TOX3: variants seen among roughly 807,000 people sequenced by gnomAD.
TOX3 encodes TOX high mobility group box family member 3, also known as CAG trinucleotide repeat-containing gene F9 protein.
In TOX3, 22 loss-of-function variants were observed where a neutral mutation model predicts 64.3. That is an observed-to-expected ratio of 0.34 (90% confidence interval 0.24 to 0.49). The LOEUF (loss-of-function observed/expected upper bound fraction) is 0.49. Among genes scored for constraint, TOX3 ranks in the 20% least tolerant of loss-of-function variants. The pLI is 0.99. For synonymous variants in TOX3, 291 were observed against 273.6 expected (o/e 1.06, Z -0.63); for missense variants, 661 against 714.4 (o/e 0.93, Z 0.85).
intron 1 of TOX3, among the ~76,000 whole-genome samples, chr16:52,485,267 T>TATATATAC (rs1163640369): frequency 1.2e-3 from 160 of 137,862 alleles, no homozygotes; most frequent in African/African-American, 3.8e-3. Context: ...TATATATATA[T>TATATATAC]ATATACATAT....
At chr16:52,505,959 G>C (rs1361578898) in intron 1 of TOX3, among the ~76,000 whole-genome samples, 1 of 152,126 alleles carries the variant, frequency 6.6e-6, no homozygotes, top group Admixed American at 6.5e-5. Context: ...CTGGGTGACA[G>C]AGCAAGACCC....
intron 1 of TOX3, among the ~76,000 whole-genome samples, chr16:52,501,047 T>C (rs1220937156): frequency 6.6e-6 from 1 of 152,210 alleles, no homozygotes; most frequent in Admixed American, 6.5e-5. Flanking sequence ...ACATATAACT[T>C]GCCATGTGCC....
intron 1 of TOX3, among the ~76,000 whole-genome samples, chr16:52,517,200 G>A (rs377705605): frequency 7.9e-5 from 12 of 152,084 alleles, no homozygotes; most frequent in Non-Finnish European, 1.2e-4. Flanking sequence ...AAGAATTGGG[G>A]GAATTTCAGA....
intron 1 of TOX3, chr16:52,519,348 A>G: frequency 6.8e-7 from 1 of 1,478,616 alleles, no homozygotes; most frequent in Non-Finnish European, 9.1e-7. Flanking sequence ...GATAAAAGAC[A>G]CTATCTGGTT....
intron 1 of TOX3, among the ~76,000 whole-genome samples, chr16:52,494,877 C>A (rs1344712419): frequency 6.6e-6 from 1 of 152,230 alleles, no homozygotes; most frequent in Admixed American, 6.5e-5. Context: ...GTGGCATAGG[C>A]CAGTAGGTAT....
At chr16:52,487,363 A>C (rs1264919190) in intron 1 of TOX3, among the ~76,000 whole-genome samples, 1 of 152,134 alleles carries the variant, frequency 6.6e-6, no homozygotes, top group Non-Finnish European at 1.5e-5. Flanking sequence ...AATGGTGGCA[A>C]AATGAAGAAA....
chr16:52,439,831 G>A lies in TOX3; in HGVS notation c.1125C>T (p.Leu375=). The change falls in exon 7 of 7, where the codon CTC becomes CTT. Residue 375 remains leucine, a synonymous_variant. Transcript: ENST00000219746. The part of the protein sequence containing the change: ...HGTVSASPQT[L]QQSLPRSIAP... ...CGATTGACCTAGGGAGGGATTGCTG[G>A]AGAGTCTGAGGTGATGCTGACACTG... is the stretch of plus-strand genomic sequence containing the variant. 1.2e-6 allele frequency: 2 copies of A among 1,613,900 alleles called. No homozygotes were observed. The highest frequency in any genetic ancestry group is 8.5e-7 in the Non-Finnish European group (1 of 1,179,866).
intron 1 of TOX3, among the ~76,000 whole-genome samples, chr16:52,472,506 T>C (rs547208120): frequency 8.5e-5 from 13 of 152,314 alleles, no homozygotes; most frequent in Middle Eastern, 3.4e-3. Flanking sequence ...ATGAATCAAC[T>C]AAATAAGAAT....
chr16:52,519,976 C>CAAAAAA (rs61541718), intron 1 of TOX3, among the ~76,000 whole-genome samples: 1 of 127,584 alleles, frequency 7.8e-6, no homozygotes, highest in South Asian at 2.6e-4. Context: ...GTCTCAAAAA[C>CAAAAAA]AAAAAAAAAA....
At chr16:52,504,937 C>T (rs1277731426) in intron 1 of TOX3, among the ~76,000 whole-genome samples, 2 of 152,058 alleles carry the variant, frequency 1.3e-5, no homozygotes, top group Non-Finnish European at 2.9e-5. Flanking sequence ...CGGGTTCAAG[C>T]GATTCTCCTG....
At chr16:52,464,494 CTTTA>C (rs1257795623) in intron 2 of TOX3, among the ~76,000 whole-genome samples, 6 of 152,124 alleles carry the variant, frequency 3.9e-5, no homozygotes, top group Non-Finnish European at 8.8e-5. Flanking sequence ...CAAATTGCTA[CTTTA>C]TTGATATGTT....
At chr16:52,478,748 T>A (rs1961288897) in intron 1 of TOX3, among the ~76,000 whole-genome samples, 1 of 152,124 alleles carries the variant, frequency 6.6e-6, no homozygotes. Flanking sequence ...TCATGTTACC[T>A]CTCTGAACTT....
intron 1 of TOX3, among the ~76,000 whole-genome samples, chr16:52,533,314 T>C (rs1962888325): frequency 6.6e-6 from 1 of 152,194 alleles, no homozygotes; most frequent in South Asian, 2.1e-4. Flanking sequence ...CACATCCCCA[T>C]GTGCCATTCA....
At chr16:52,477,733 A>G (rs1006298351) in intron 1 of TOX3, among the ~76,000 whole-genome samples, 1 of 152,164 alleles carries the variant, frequency 6.6e-6, no homozygotes, top group East Asian at 1.9e-4. Flanking sequence ...CATGTGTTTC[A>G]ATTTTCCCAT....
rs1959790957 is a variant in TOX3 at position 52,437,771 on chromosome 16, T to C, written c.*1454A>G. On this transcript the variant is annotated 3_prime_UTR_variant, in exon 7 of 7. Transcript: ENST00000219746. Reference sequence around the variant, plus strand: ...AAGCGATTACTTTTTTCTCTATACTTACCTTGTACTTGCATCTTAAAAAAA... The same window carrying C: ...AAGCGATTACTTTTTTCTCTATACTCACCTTGTACTTGCATCTTAAAAAAA... Among the ~76,000 whole-genome samples, 1 of 143,076 alleles carries C rather than the reference T, an allele frequency of 7.0e-6. No individual in the cohort carries two copies. Among genetic ancestry groups the C allele is most frequent in the African/African-American group, 2.6e-5 (1 of 38,322 alleles). The allele number at this position is 143,076 out of a possible 152,430, so 93.9% of individuals were successfully genotyped here.
intron 1 of TOX3, among the ~76,000 whole-genome samples, chr16:52,503,931 T>C (rs1343816650): frequency 6.6e-6 from 1 of 152,200 alleles, no homozygotes; most frequent in Non-Finnish European, 1.5e-5. Context: ...CGCTTTATCA[T>C]TGTTTGTAAA....
intron 1 of TOX3, among the ~76,000 whole-genome samples, chr16:52,508,616 T>C (rs1293159721): frequency 6.6e-6 from 1 of 152,094 alleles, no homozygotes. Flanking sequence ...TATTAGGGGA[T>C]AAAGAGATGT....
At chr16:52,522,607 T>A (rs1245567690) in intron 1 of TOX3, among the ~76,000 whole-genome samples, 1 of 152,196 alleles carries the variant, frequency 6.6e-6, no homozygotes, top group African/African-American at 2.4e-5. Flanking sequence ...CCTCTAAGTG[T>A]GTCCTCTGTG....
In TOX3 at chr16:52,546,842, G is replaced by T. The variant is rs1026093892; in HGVS notation, c.-119C>A. On this transcript the variant is annotated 5_prime_UTR_variant, in exon 1 of 7. Coordinates refer to ENST00000219746, the MANE Select transcript of TOX3 (RefSeq NM_001080430.4). ...CCCGGGGGTGGCGCGTGGGACTCGC[G>T]GCCGGAGGGGCGCCGGGACCCAGAG... The T allele has an allele frequency of 1.3e-5, 16 of 1,238,876 alleles. No homozygotes were observed. The African/African-American group carries it at 2.5e-4, about 19-fold the overall frequency. The allele number at this position is 1,238,876 out of a possible 1,614,324, so 76.7% of individuals were successfully genotyped here.
Sources: gnomAD v4.1 joint callset for allele counts (sites outside exome capture counted in the v4.1 genomes callset) on GRCh38, gnomAD v4.1.1 for gene constraint, MANE v1.5 for transcripts, NCBI Gene and HGNC (gene_info 2026-07-23, HGNC 2026-07-21) for gene names.